LAMA2: variants seen among roughly 807,000 people sequenced by gnomAD.
The protein encoded by LAMA2 is laminin subunit alpha 2, also known as laminin subunit alpha-2.
Under a neutral mutation model 364.8 loss-of-function variants are expected in LAMA2, and 269 were observed. The ratio of observed to expected loss-of-function variants is 0.74; its 90% CI spans 0.67 to 0.82. LAMA2 has a LOEUF of 0.82. Among genes scored for constraint, LAMA2 ranks in the 40% least tolerant of loss-of-function variants. The pLI, the probability that LAMA2 is intolerant of heterozygous loss-of-function variation, is 0.00. For synonymous variants in LAMA2, 1,379 were observed against 1,370.6 expected (o/e 1.01, Z -0.14); for missense variants, 3,807 against 3,873.2 (o/e 0.98, Z 0.45).
intron 37 of LAMA2, among the ~76,000 whole-genome samples, chr6:129,396,629 G>A (rs969733690): frequency 5.7e-4 from 87 of 152,216 alleles, no homozygotes; most frequent in African/African-American, 1.3e-3. Context: ...AACTGGGGAC[G>A]TCATGGGAAG....
At chr6:128,940,521 T>A (rs953594716) in intron 1 of LAMA2, among the ~76,000 whole-genome samples, 5 of 151,932 alleles carry the variant, frequency 3.3e-5, no homozygotes, top group Admixed American at 2.6e-4. Context: ...TAAATATTAG[T>A]GAGAGAATAA....
chr6:129,439,293 C>A (rs1781987356), intron 42 of LAMA2, among the ~76,000 whole-genome samples: 1 of 151,768 alleles, frequency 6.6e-6, no homozygotes, highest in African/African-American at 2.4e-5. Flanking sequence ...CCATTTTTTC[C>A]CCTAAATATC....
chr6:129,203,596 G>C (rs1364302491), intron 12 of LAMA2, among the ~76,000 whole-genome samples: 2 of 152,204 alleles, frequency 1.3e-5, no homozygotes, highest in Admixed American at 6.5e-5. Flanking sequence ...TGTTCATAAA[G>C]AACCAATCCT....
In LAMA2 at chr6:129,300,764, T is replaced by C. The variant is rs757428475; in HGVS notation, c.3066T>C (p.Asn1022=). The C allele has an allele frequency of 3.7e-6, 6 of 1,613,866 alleles. No homozygotes were observed. The highest frequency in any genetic ancestry group is 1.7e-5 in the Admixed American group (1 of 60,010). ...GTGAATGTTCTCATCTGGGTAATAA[T>C]TGTGACCCAAAGACTGGGCGATGCA... ...TACECSHLGN[N]CDPKTGRCIC... Residue 1022 remains asparagine, a synonymous_variant, in exon 22 of 65, where the codon AAT becomes AAC. Transcript: ENST00000421865.
chr6:129,219,144 G>C (rs1043051851), intron 12 of LAMA2, among the ~76,000 whole-genome samples: 3 of 152,094 alleles, frequency 2.0e-5, no homozygotes, highest in African/African-American at 7.2e-5. Context: ...CCATAGGAGT[G>C]TACATATTTT....
At chr6:129,136,178 A>C (rs1777781754) in intron 4 of LAMA2, among the ~76,000 whole-genome samples, 1 of 152,074 alleles carries the variant, frequency 6.6e-6, no homozygotes, top group African/African-American at 2.4e-5. Context: ...AATTCTGTGG[A>C]TTACAGGTCA....
chr6:129,146,689 C>T (rs1344884615), intron 5 of LAMA2, among the ~76,000 whole-genome samples: 1 of 152,002 alleles, frequency 6.6e-6, no homozygotes, highest in Non-Finnish European at 1.5e-5. Context: ...GCCACAGGTA[C>T]TCTAGCATGG....
chr6:129,175,250 A>T (rs1307736652), intron 9 of LAMA2, among the ~76,000 whole-genome samples: 1 of 152,086 alleles, frequency 6.6e-6, no homozygotes, highest in Non-Finnish European at 1.5e-5. Flanking sequence ...ATTGCCTGTG[A>T]CTCAGACACC....
intron 32 of LAMA2, among the ~76,000 whole-genome samples, chr6:129,361,013 G>A (rs898276978): frequency 3.9e-5 from 6 of 152,104 alleles, no homozygotes; most frequent in African/African-American, 1.4e-4. Flanking sequence ...TTGGAAATAG[G>A]TAGGTTATAT....
intron 61 of LAMA2, among the ~76,000 whole-genome samples, chr6:129,506,278 G>C (rs1002285013): frequency 2.0e-5 from 3 of 152,030 alleles, no homozygotes; most frequent in African/African-American, 7.2e-5. Context: ...ACTTGAACCC[G>C]AGGGTCAGAG....
chr6:129,237,187 A>T (rs1438897214), intron 12 of LAMA2, among the ~76,000 whole-genome samples: 1 of 152,228 alleles, frequency 6.6e-6, no homozygotes, highest in Non-Finnish European at 1.5e-5. Flanking sequence ...CACATTGTAG[A>T]GTGCTTAGCA....
Position 129,293,967 on chromosome 6 carries a change from C to T in LAMA2, c.2856+2247C>T, listed in dbSNP as rs55920205. Among the ~76,000 whole-genome samples the T allele has an allele frequency of 8.5e-3, 1,298 of 152,284 alleles. 17 individuals carry two copies. The highest frequency in any genetic ancestry group is 0.029 in the African/African-American group (1,218 of 41,540). ...TCTTTCTGTAATTCAGCTTCTTCAT[C>T]TGTAGTAAGATCCACTTCAGAGGGT... is the stretch of plus-strand genomic sequence containing the variant. On this transcript the variant is annotated intron_variant, in intron 20 of 64. Transcript: ENST00000421865.
rs1787584088 is a variant in LAMA2, at chr6:129,267,206, C to T, written c.2309C>T (p.Thr770Ile). ...CATGCGGAGTCCTGTGATGACGTCA[C>T]TGGAGAATGCCTGGTAAGTGCTCTC... Reference protein sequence around the residue: ...FGHAESCDDVTGECLNCKDHT... With the variant: ...FGHAESCDDVIGECLNCKDHT... Residue 770 changes from threonine to isoleucine, a missense_variant, in exon 16 of 65, where the codon ACT becomes ATT. Thr to Ile is a moderately conservative substitution (Grantham distance 89). This residue lies in a region of LAMA2 where 3,333 missense variants were observed against 3,345.7 expected (regional missense o/e 1.00). Coordinates refer to ENST00000421865, the MANE Select transcript of LAMA2 (RefSeq NM_000426.4). The T allele has an allele frequency of 6.2e-7, 1 of 1,606,910 alleles. No individual in the cohort carries two copies. The highest frequency in any genetic ancestry group is 1.3e-5 in the African/African-American group (1 of 74,730).
At chr6:129,226,235 C>G (rs1029296603) in intron 12 of LAMA2, among the ~76,000 whole-genome samples, 1 of 152,168 alleles carries the variant, frequency 6.6e-6, no homozygotes, top group African/African-American at 2.4e-5. Flanking sequence ...TGTCTCTGCA[C>G]ATGAGATGGG....
intron 30 of LAMA2, among the ~76,000 whole-genome samples, chr6:129,344,016 G>A (rs186423344): frequency 6.6e-6 from 1 of 152,094 alleles, no homozygotes; most frequent in East Asian, 1.9e-4. Context: ...AAAATGAATG[G>A]GAGAATAAAG....
chr6:129,309,727 T>C (rs902008525), intron 22 of LAMA2, among the ~76,000 whole-genome samples: 1 of 152,224 alleles, frequency 6.6e-6, no homozygotes, highest in African/African-American at 2.4e-5. Flanking sequence ...TGGGTTATTC[T>C]ATGCCTTGGA....
chr6:129,291,220 C>T (rs1209565933), intron 19 of LAMA2, among the ~76,000 whole-genome samples: 1 of 152,134 alleles, frequency 6.6e-6, no homozygotes, highest in Admixed American at 6.5e-5. Context: ...ACTAAAACAG[C>T]GTTACACCTT....
At position 129,316,239 on chromosome 6, in the gene LAMA2, A is replaced by G. The variant is rs1273911031; in HGVS notation, c.4058+68A>G. ...TGTAAGGAAGGTTATTGACCTACAG[A>G]TATCAGATAAGAAAGATTGGAAAGT... On this transcript the variant is annotated intron_variant, in intron 27 of 64. Coordinates refer to ENST00000421865, the MANE Select transcript of LAMA2 (RefSeq NM_000426.4). 3 of 1,232,810 alleles carry G rather than the reference A, an allele frequency of 2.4e-6. No homozygotes were observed. The African/African-American group carries it at 4.5e-5, about 18-fold the overall frequency. The allele number at this position is 1,232,810 out of a possible 1,614,324, so 76.4% of individuals were successfully genotyped here.
chr6:129,008,646 G>A (rs1784575153), intron 1 of LAMA2, among the ~76,000 whole-genome samples: 2 of 152,090 alleles, frequency 1.3e-5, no homozygotes, highest in Admixed American at 1.3e-4. Context: ...AGATGCAAAA[G>A]TAATAATAAT....
Sources: allele counts gnomAD v4.1 joint callset (sites outside exome capture counted in the v4.1 genomes callset), GRCh38; gene constraint gnomAD v4.1.1; regional missense constraint gnomAD v4.1.1; transcripts MANE v1.5; gene names NCBI Gene and HGNC (gene_info 2026-07-23, HGNC 2026-07-21).